The following DCHS2 variants were observed in gnomAD, a reference collection of about 807,000 sequenced individuals.
DCHS2 encodes dachsous cadherin-related 2.
DCHS2 carries 142 observed loss-of-function variants against 182.4 expected under a neutral mutation model. The observed-to-expected ratio is 0.78, with a 90% confidence interval of 0.68 to 0.89. The LOEUF is 0.89. Ranked by LOEUF, DCHS2 falls within the 40% of genes least tolerant of loss-of-function variation. The pLI is 0.00. For synonymous variants in DCHS2, 1,740 were observed against 1,663.3 expected, an observed-to-expected ratio of 1.05 and a Z score of -1.12; for missense variants, 4,319 against 4,198.6, an observed-to-expected ratio of 1.03 and a Z score of -0.79.
chr4:154,335,278 C>T, intron 3 of DCHS2, 174 bp from the exon 4 acceptor site: 1 of 597,800 alleles, frequency 1.7e-6, no homozygotes, highest in Non-Finnish European at 3.0e-6. Flanking sequence ...TGTGAGGGTG[C>T]TTTTGGATGA....
chr4:154,415,172 G>A (rs1004792317), intron 1 of DCHS2, among the ~76,000 whole-genome samples: 1 of 152,150 alleles, frequency 6.6e-6, no homozygotes, highest in Non-Finnish European at 1.5e-5. Context: ...ATAGATGAGG[G>A]AACTAACCAT....
intron 16 of DCHS2, among the ~76,000 whole-genome samples, chr4:154,248,413 A>G (rs1732187798): frequency 6.6e-6 from 1 of 152,170 alleles, no homozygotes; most frequent in Admixed American, 6.5e-5. Context: ...ATCAGAGAAA[A>G]TCAGTTAATA....
intron 2 of DCHS2, among the ~76,000 whole-genome samples, chr4:154,373,116 T>C (rs1457358111): frequency 6.6e-6 from 1 of 152,190 alleles, no homozygotes; most frequent in African/African-American, 2.4e-5. Context: ...ATAAACTCAT[T>C]ATGGCCTAGA....
chr4:154,424,130 C>G (rs1045931182), intron 1 of DCHS2, among the ~76,000 whole-genome samples: 15 of 152,134 alleles, frequency 9.9e-5, no homozygotes, highest in African/African-American at 3.1e-4. Context: ...TTGCTGCATC[C>G]TTGGTCTGAC....
At chr4:154,420,786 A>G (rs1733080126) in intron 1 of DCHS2, among the ~76,000 whole-genome samples, 1 of 152,330 alleles carries the variant, frequency 6.6e-6, no homozygotes, top group African/African-American at 2.4e-5. Flanking sequence ...ATGTTTTTCC[A>G]GATACCTGGG....
At position 154,394,454 on chromosome 4, in the gene DCHS2, A is replaced by C. The variant is rs181946463; in HGVS notation, c.2053-17010T>G. Among the ~76,000 whole-genome samples, 229 of 152,276 alleles carry C rather than the reference A, an allele frequency of 1.5e-3. 1 individual carries two copies. Among genetic ancestry groups the C allele is most frequent in the African/African-American group, 5.2e-3 (218 of 41,564 alleles). ...TGTGCTTCAATTTTGTAGAAACCGA[A>C]TAACTCATCTCTAGGCATTCTCTTG... On this transcript the variant is annotated intron_variant, in intron 1 of 19. Coordinates refer to ENST00000357232, the MANE Select transcript of DCHS2 (RefSeq NM_001358235.2).
intron 2 of DCHS2, among the ~76,000 whole-genome samples, chr4:154,367,907 A>T (rs1485375889): frequency 6.9e-6 from 1 of 144,674 alleles, no homozygotes; most frequent in Non-Finnish European, 1.6e-5. Context: ...ACAAACCCAG[A>T]AACGGCTGTC....
chr4:154,237,286 T>G, intron 19 of DCHS2, 127 bp from the exon 20 acceptor site: 7 of 1,246,548 alleles, frequency 5.6e-6, no homozygotes, highest in Non-Finnish European at 7.5e-6. Flanking sequence ...TAAGTCACAA[T>G]GAACAATGAC....
At position 154,320,412 on chromosome 4, in the gene DCHS2, C is replaced by G. The variant is rs531298768; in HGVS notation, c.4987G>C (p.Glu1663Gln). Residue 1663 changes from glutamate (E) to glutamine (Q), a missense_variant, in exon 9 of 20, where the codon GAA becomes CAA. Transcript: ENST00000357232. ...TCATCTAGCATAAACGTCATGTTTT[C>G]ATTTCCTGAGAGGATGCTGTATGTT... ...KVTYSILSGNENMTFMLDESS... is the reference protein window; with the variant it reads ...KVTYSILSGNQNMTFMLDESS... 101 of 1,614,014 alleles carry G rather than the reference C, an allele frequency of 6.3e-5. 2 individuals are homozygous for G. The South Asian group carries it at 1.0e-3, about 16-fold the overall frequency.
intron 1 of DCHS2, among the ~76,000 whole-genome samples, chr4:154,387,452 G>A (rs1031171646): frequency 3.3e-5 from 5 of 151,978 alleles, no homozygotes; most frequent in Admixed American, 3.3e-4. Flanking sequence ...GAAGAATGTG[G>A]GTTTATTCAC....
chr4:154,257,308 C>T (rs935901140), intron 15 of DCHS2, among the ~76,000 whole-genome samples: 2 of 152,106 alleles, frequency 1.3e-5, no homozygotes, highest in African/African-American at 2.4e-5. Context: ...TCTAGGGTAC[C>T]GGCACATCTT....
At chr4:154,303,207 C>T (rs1044439625) in intron 12 of DCHS2, among the ~76,000 whole-genome samples, 4 of 151,956 alleles carry the variant, frequency 2.6e-5, no homozygotes, top group Non-Finnish European at 5.9e-5. Context: ...GTCTCGAACT[C>T]CTGACCTCAG....
intron 13 of DCHS2, among the ~76,000 whole-genome samples, chr4:154,279,820 CCAGAGAAAGAA>C (rs776985419): frequency 6.6e-6 from 1 of 150,966 alleles, no homozygotes; most frequent in Non-Finnish European, 1.5e-5. Flanking sequence ...ACACAAGGAA[CCAGAGAAAGAA>C]CAAACTTAAC....
chr4:154,480,596 C>A (rs1388079), intron 1 of DCHS2, among the ~76,000 whole-genome samples: 148,746 of 152,332 alleles, frequency 0.98, 72,724 homozygotes, highest in Middle Eastern at 1. Flanking sequence ...GTATGAAATA[C>A]ATCAACAGTG....
At chr4:154,255,719 G>A in intron 15 of DCHS2, 49 bp from the exon 16 acceptor site, 3 of 1,542,180 alleles carry the variant, frequency 1.9e-6, no homozygotes, top group Non-Finnish European at 2.6e-6. Context: ...CTGCAATATG[G>A]GTTCAGTCTG....
chr4:154,237,350 A>G, intron 19 of DCHS2, 191 bp from the exon 20 acceptor site: 1 of 768,760 alleles, frequency 1.3e-6, no homozygotes, highest in Non-Finnish European at 1.9e-6. Context: ...TGTAAGATAC[A>G]GAAATAATAT....
At chr4:154,374,045 C>G in intron 2 of DCHS2, 1 of 1,116,866 alleles carries the variant, frequency 9.0e-7, no homozygotes, top group South Asian at 1.5e-5. Flanking sequence ...ATAACCACCT[C>G]TATATCTACA....
chr4:154,239,290 C>G lies in DCHS2; in HGVS notation c.7372G>C (p.Glu2458Gln), dbSNP rs769168223. ...ACTGAATACCCCACAGGTATTGATT[C>G]AGGAACTGTGACCTGAGGGAAAAAG... ...SQDFYQVTVP[E>Q]SIPVGYSVLT... The change falls in exon 19 of 20, where the codon GAA (glutamate) becomes CAA (glutamine). Residue 2458 changes from glutamate (E) to glutamine (Q), a missense_variant. Transcript: ENST00000357232. The G allele has an allele frequency of 3.1e-6, 5 of 1,612,248 alleles. No homozygotes were observed. Among genetic ancestry groups the G allele is most frequent in the Non-Finnish European group, 4.2e-6 (5 of 1,179,486 alleles).
chr4:154,260,013 G>A (rs1339502609), intron 14 of DCHS2, among the ~76,000 whole-genome samples: 6 of 151,944 alleles, frequency 3.9e-5, no homozygotes, highest in African/African-American at 1.5e-4. Flanking sequence ...TAGTAGAGAC[G>A]GGTTTTCACC....
Sources: allele counts gnomAD v4.1 joint callset (sites outside exome capture counted in the v4.1 genomes callset), GRCh38; gene constraint gnomAD v4.1.1; transcripts MANE v1.5; gene names NCBI Gene and HGNC (gene_info 2026-07-23, HGNC 2026-07-21).